SHANK2: variants seen among roughly 807,000 people sequenced by gnomAD.
SHANK2 encodes the protein SH3 and multiple ankyrin repeat domains protein 2.
SHANK2 carries 43 observed loss-of-function variants against 133.7 expected under a neutral mutation model. That is an observed-to-expected ratio of 0.32 (90% CI 0.25 to 0.41). The LOEUF (loss-of-function observed/expected upper bound fraction) is 0.41, where lower values mean the gene tolerates loss of function less well. Ranked by LOEUF, SHANK2 falls within the 10% of genes least tolerant of loss-of-function variation. SHANK2 has a pLI of 1.00. For synonymous variants in SHANK2, 1,017 were observed against 952.8 expected (o/e 1.07, Z -1.24); for missense variants, 1,994 against 2,235.8 (o/e 0.89, Z 2.18).
intron 10 of SHANK2, among the ~76,000 whole-genome samples, chr11:70,927,572 C>T (rs1254836011): frequency 6.6e-6 from 1 of 151,966 alleles, no homozygotes; most frequent in South Asian, 2.1e-4. Context: ...TGCAGGGGTT[C>T]AAGCAAAGGC....
In SHANK2 at chr11:70,867,625, G is replaced by A. The variant is rs1210802530; in HGVS notation, c.1174+28876C>T. Among the ~76,000 whole-genome samples, 5 of 152,284 alleles carry A rather than the reference G, an allele frequency of 3.3e-5. No homozygotes were observed. In the South Asian group the frequency reaches 6.2e-4, roughly 19 times the overall value. On this transcript the variant is annotated intron_variant, in intron 11 of 25. Coordinates refer to ENST00000601538, the MANE Select transcript of SHANK2 (RefSeq NM_012309.5). ...TCAGCCATGTTCCCTCTTGAGAATC[G>A]ACGCTATAGATTTGTATTCATTACC...
At chr11:70,702,008 TCATCAG>T (rs1349473332) in intron 14 of SHANK2, among the ~76,000 whole-genome samples, 2 of 149,516 alleles carry the variant, frequency 1.3e-5, no homozygotes, top group Non-Finnish European at 3.0e-5. Flanking sequence ...ACTATCATCA[TCATCAG>T]CATCACCATT....
intron 17 of SHANK2, among the ~76,000 whole-genome samples, chr11:70,603,039 GA>G (rs1554991389): frequency 6.6e-6 from 1 of 152,248 alleles, no homozygotes; most frequent in African/African-American, 2.4e-5. Flanking sequence ...CAGAAAGCTG[GA>G]AAACAGGTAA....
At chr11:70,697,904 T>A (rs1283032574) in intron 15 of SHANK2, among the ~76,000 whole-genome samples, 1 of 152,060 alleles carries the variant, frequency 6.6e-6, no homozygotes, top group African/African-American at 2.4e-5. Flanking sequence ...CTTTTCTACC[T>A]CACACACTGG....
chr11:70,896,640 T>C lies in SHANK2; in HGVS notation c.1108-73A>G, dbSNP rs539456490. The stretch of plus-strand genomic sequence containing the variant: ...GATTTCTGCATATACTATTACATCA[T>C]TGAAGGCCTAACACCAAAAGAAGTC... On this transcript the variant is annotated intron_variant, in intron 10 of 25. Transcript: ENST00000601538. 61 of 692,180 alleles carry C rather than the reference T, an allele frequency of 8.8e-5. 2 individuals carry two copies. The Admixed American group carries it at 1.1e-3, about 12-fold the overall frequency. 42.9% of individuals were successfully genotyped at this position (692,180 alleles called of 1,614,324 possible).
At chr11:71,096,722 A>AT (rs1162384839) in intron 6 of SHANK2, among the ~76,000 whole-genome samples, 1 of 152,122 alleles carries the variant, frequency 6.6e-6, no homozygotes, top group Non-Finnish European at 1.5e-5. Context: ...AACAGTTAGG[A>AT]TTTTCTTTCC....
At chr11:70,758,487 C>T (rs910581463) in intron 14 of SHANK2, among the ~76,000 whole-genome samples, 1 of 152,222 alleles carries the variant, frequency 6.6e-6, no homozygotes. Context: ...ATTGTTCCTG[C>T]GCCAGCTAAG....
At chr11:70,623,217 C>A (rs997061127) in intron 17 of SHANK2, among the ~76,000 whole-genome samples, 4 of 152,210 alleles carry the variant, frequency 2.6e-5, no homozygotes, top group African/African-American at 7.2e-5. Flanking sequence ...CCTGTGGGGC[C>A]TGTGCCTGCC....
chr11:71,191,733 A>G (rs782027939), intron 2 of SHANK2, among the ~76,000 whole-genome samples: 23 of 151,636 alleles, frequency 1.5e-4, no homozygotes, highest in Non-Finnish European at 3.1e-4. Flanking sequence ...TACTTTTTGT[A>G]TTTGTAATAG....
intron 2 of SHANK2, among the ~76,000 whole-genome samples, chr11:71,163,952 T>C (rs1176744331): frequency 6.6e-6 from 1 of 152,256 alleles, no homozygotes; most frequent in Non-Finnish European, 1.5e-5. Context: ...ACTCAGCTGA[T>C]AGTACAGAGA....
At chr11:70,575,851 C>T (rs2060109458) in intron 17 of SHANK2, among the ~76,000 whole-genome samples, 1 of 151,910 alleles carries the variant, frequency 6.6e-6, no homozygotes, top group Non-Finnish European at 1.5e-5. Flanking sequence ...GGATGCTGAG[C>T]TCCTGTGAGG....
At chr11:70,870,648 A>G (rs1328682524) in intron 11 of SHANK2, among the ~76,000 whole-genome samples, 1 of 152,162 alleles carries the variant, frequency 6.6e-6, no homozygotes, top group Non-Finnish European at 1.5e-5. Context: ...CTGTCTCTCC[A>G]GCTCCCAGTG....
At chr11:70,806,608 G>A (rs375320673) in intron 13 of SHANK2, among the ~76,000 whole-genome samples, 19 of 152,232 alleles carry the variant, frequency 1.2e-4, no homozygotes, top group Middle Eastern at 3.4e-3. Flanking sequence ...TGCAGGCCCC[G>A]GGCCTCAGGT....
chr11:71,242,110 T>C (rs1555124480), intron 1 of SHANK2, among the ~76,000 whole-genome samples: 2 of 152,126 alleles, frequency 1.3e-5, no homozygotes, highest in Non-Finnish European at 2.9e-5. Flanking sequence ...CTTGAGAACA[T>C]TATGCTGAGT....
chr11:70,585,931 T>A (rs2060245114), intron 17 of SHANK2, among the ~76,000 whole-genome samples: 1 of 151,360 alleles, frequency 6.6e-6, no homozygotes, highest in African/African-American at 2.4e-5. Context: ...CCATCCTTCA[T>A]CCATTCCTCC....
At chr11:71,186,668 T>C (rs1555114512) in intron 2 of SHANK2, among the ~76,000 whole-genome samples, 2 of 152,236 alleles carry the variant, frequency 1.3e-5, no homozygotes, top group African/African-American at 4.8e-5. Context: ...CACATAGCCC[T>C]CGATCACTGA....
intron 17 of SHANK2, among the ~76,000 whole-genome samples, chr11:70,559,540 C>T (rs933371602): frequency 2.6e-5 from 4 of 152,122 alleles, no homozygotes; most frequent in South Asian, 4.1e-4. Flanking sequence ...GACAGTGGCA[C>T]GGCACTCCTC....
intron 6 of SHANK2, among the ~76,000 whole-genome samples, chr11:71,098,722 G>C (rs1211897175): frequency 6.6e-6 from 1 of 152,160 alleles, no homozygotes; most frequent in Non-Finnish European, 1.5e-5. Context: ...AAATAAGCAA[G>C]GGATTCACAA....
At chr11:70,835,784 C>T (rs1490957979) in intron 11 of SHANK2, among the ~76,000 whole-genome samples, 2 of 152,200 alleles carry the variant, frequency 1.3e-5, no homozygotes, top group African/African-American at 4.8e-5. Flanking sequence ...TCAGTTTTCT[C>T]ATCTGTAGAA....
Sources: gnomAD v4.1 joint callset for allele counts (sites outside exome capture counted in the v4.1 genomes callset) on GRCh38, gnomAD v4.1.1 for gene constraint, MANE v1.5 for transcripts, NCBI Gene and HGNC (gene_info 2026-07-23, HGNC 2026-07-21) for gene names.